The following SP4 variants were observed in gnomAD, a reference collection of about 807,000 sequenced individuals.
SP4 encodes transcription factor Sp4.
A neutral mutation model predicts 72.8 loss-of-function variants in SP4; 19 were observed. That is an observed-to-expected ratio of 0.26 (90% CI 0.18 to 0.38). SP4 has a LOEUF of 0.38. Among genes scored for constraint, SP4 ranks in the 10% least tolerant of loss-of-function variants. SP4 has a pLI of 1.00. For missense variants in SP4, 1,008 were observed against 926.3 expected, an observed-to-expected ratio of 1.09 and a Z score of -1.14; for synonymous variants, 395 against 333.1, an observed-to-expected ratio of 1.19 and a Z score of -2.02.
At chr7:21,475,316 G>A (rs1385684728) in intron 3 of SP4, among the ~76,000 whole-genome samples, 2 of 151,760 alleles carry the variant, frequency 1.3e-5, no homozygotes, top group African/African-American at 2.4e-5. Context: ...GGGTTTCACC[G>A]TGTTAGCTAG....
intron 5 of SP4, among the ~76,000 whole-genome samples, chr7:21,510,063 A>G (rs566069243): frequency 6.6e-6 from 1 of 152,306 alleles, no homozygotes; most frequent in East Asian, 1.9e-4. Flanking sequence ...CAAGAACAGT[A>G]TGGGGAACCC....
intron 3 of SP4, among the ~76,000 whole-genome samples, chr7:21,433,220 A>G (rs535083958): frequency 6.6e-6 from 1 of 152,296 alleles, no homozygotes; most frequent in South Asian, 2.1e-4. Flanking sequence ...CTTCATTTTC[A>G]GGGATAATTT....
At chr7:21,508,021 C>G (rs1036647381) in intron 5 of SP4, among the ~76,000 whole-genome samples, 34 of 152,132 alleles carry the variant, frequency 2.2e-4, no homozygotes, top group African/African-American at 8.2e-4. Flanking sequence ...CCCTTGGCTT[C>G]TGCACGAGGT....
intron 3 of SP4, among the ~76,000 whole-genome samples, chr7:21,431,629 T>C (rs1463108923): frequency 6.6e-6 from 1 of 152,238 alleles, no homozygotes; most frequent in African/African-American, 2.4e-5. Flanking sequence ...GCAGTTGTTA[T>C]TTGTTATGCA....
chr7:21,476,436 T>C (rs1307401878), intron 3 of SP4, among the ~76,000 whole-genome samples: 1 of 152,176 alleles, frequency 6.6e-6, no homozygotes, highest in Non-Finnish European at 1.5e-5. Flanking sequence ...AAGTCTAAGC[T>C]ATATAACATG....
At chr7:21,441,517 T>C (rs778156478) in intron 3 of SP4, among the ~76,000 whole-genome samples, 11 of 152,156 alleles carry the variant, frequency 7.2e-5, no homozygotes, top group Non-Finnish European at 2.9e-5. Flanking sequence ...ATAATAATAA[T>C]AAATAAATTT....
chr7:21,456,446 G>C (rs924838158), intron 3 of SP4, among the ~76,000 whole-genome samples: 1 of 152,206 alleles, frequency 6.6e-6, no homozygotes, highest in Non-Finnish European at 1.5e-5. Flanking sequence ...ATCTGAGCTG[G>C]TAGGGTAAAA....
chr7:21,428,180 C>T lies in SP4; in HGVS notation c.-72C>T. 3 of 584,898 alleles carry T rather than the reference C, an allele frequency of 5.1e-6. No individual in the cohort carries two copies. Among genetic ancestry groups the T allele is most frequent in the Admixed American group, 2.3e-5 (1 of 43,770 alleles). 36.2% of individuals were successfully genotyped at this position (584,898 alleles called of 1,614,324 possible). ...CGGGCGGGCGGGACCGGCCTCTCCT[C>T]CCGCCTCGCCCCCACCCCCACCCAC... On this transcript the variant is annotated 5_prime_UTR_variant, in exon 1 of 6. Coordinates refer to ENST00000222584, the MANE Select transcript of SP4 (RefSeq NM_003112.5).
intron 3 of SP4, among the ~76,000 whole-genome samples, chr7:21,472,602 T>C (rs1438538151): frequency 1.3e-5 from 2 of 151,946 alleles, no homozygotes; most frequent in Non-Finnish European, 2.9e-5. Context: ...TGATAAATCT[T>C]TTCAGAAAGT....
chr7:21,431,139 A>C (rs1044767231), intron 3 of SP4, among the ~76,000 whole-genome samples: 1 of 152,176 alleles, frequency 6.6e-6, no homozygotes, highest in Non-Finnish European at 1.5e-5. Flanking sequence ...TAGTGGTCTT[A>C]TTTGAGTACA....
chr7:21,511,160 C>A lies in SP4; in HGVS notation c.2246C>A (p.Ser749Ter). 1 of 1,614,176 alleles carries A rather than the reference C, an allele frequency of 6.2e-7. No homozygotes were observed. Among genetic ancestry groups the A allele is most frequent in the Non-Finnish European group, 8.5e-7 (1 of 1,180,034 alleles). ...ATTGTTACCTCGGGAGAACTGGACTCATCTGTTACAGAGGTGCTTGGCTCC... is the reference window on the plus strand; with the variant it reads ...ATTGTTACCTCGGGAGAACTGGACTAATCTGTTACAGAGGTGCTTGGCTCC... ...LAIVTSGELD[S>*]SVTEVLGSPR... Residue 749 changes from serine (S) to a stop codon, truncating the protein, a stop_gained, in exon 6 of 6, where the codon TCA becomes TAA. Transcript: ENST00000222584. LOFTEE classifies it high-confidence loss of function.
chr7:21,497,389 G>A (rs1781740198), intron 5 of SP4, among the ~76,000 whole-genome samples: 1 of 152,192 alleles, frequency 6.6e-6, no homozygotes, highest in Non-Finnish European at 1.5e-5. Context: ...ATACTACAAA[G>A]CTTGCTGTTC....
intron 3 of SP4, among the ~76,000 whole-genome samples, chr7:21,431,836 G>C: frequency 6.6e-6 from 1 of 152,014 alleles, no homozygotes; most frequent in East Asian, 1.9e-4. Context: ...TGATAATGTG[G>C]GATAAATAAG....
intron 5 of SP4, among the ~76,000 whole-genome samples, chr7:21,493,905 A>G (rs1785040871): frequency 6.6e-6 from 1 of 152,212 alleles, no homozygotes; most frequent in Non-Finnish European, 1.5e-5. Flanking sequence ...AAAATTTTCA[A>G]CAAAATACTA....
At chr7:21,487,691 G>T (rs1318742416) in intron 5 of SP4, among the ~76,000 whole-genome samples, 1 of 147,054 alleles carries the variant, frequency 6.8e-6, no homozygotes, top group African/African-American at 2.5e-5. Flanking sequence ...TCTTTTTCCA[G>T]TGTTGTAGGC....
At chr7:21,487,606 A>T (rs903332909) in intron 5 of SP4, among the ~76,000 whole-genome samples, 3 of 151,962 alleles carry the variant, frequency 2.0e-5, no homozygotes, top group Admixed American at 2.0e-4. Flanking sequence ...GTATGGATGC[A>T]GGTGCTTGCT....
chr7:21,457,394 C>T (rs946896983), intron 3 of SP4, among the ~76,000 whole-genome samples: 3 of 152,248 alleles, frequency 2.0e-5, no homozygotes, highest in South Asian at 2.1e-4. Flanking sequence ...CTATCATCTT[C>T]GCTTCCTCCA....
Position 21,428,182 on chromosome 7 carries a change from C to CCCCA in SP4, c.-70_-69insCCCA. The CCCCA allele has an allele frequency of 1.6e-6, 1 of 642,316 alleles. No homozygotes were observed. The highest frequency in any genetic ancestry group is 3.6e-5 in the East Asian group (1 of 28,132). 39.8% of individuals were successfully genotyped at this position (642,316 alleles called of 1,614,324 possible). ...GGCGGGCGGGACCGGCCTCTCCTCC[C>CCCCA]GCCTCGCCCCCACCCCCACCCACCT... On this transcript the variant is annotated 5_prime_UTR_variant, in exon 1 of 6. Coordinates refer to ENST00000222584, the MANE Select transcript of SP4 (RefSeq NM_003112.5).
chr7:21,495,958 C>T (rs1046099539), intron 5 of SP4, among the ~76,000 whole-genome samples: 3 of 152,132 alleles, frequency 2.0e-5, no homozygotes, highest in Non-Finnish European at 4.4e-5. Context: ...ATGGATGAAA[C>T]TCAGATGCAT....
Sources: allele counts gnomAD v4.1 joint callset (sites outside exome capture counted in the v4.1 genomes callset), GRCh38; gene constraint gnomAD v4.1.1; transcripts MANE v1.5; gene names NCBI Gene and HGNC (gene_info 2026-07-23, HGNC 2026-07-21).